SIGLECL1: variants seen among roughly 807,000 people sequenced by gnomAD.
SIGLECL1 encodes SIGLEC family like 1.
A neutral mutation model predicts 19.1 loss-of-function variants in SIGLECL1; 16 were observed. The observed-to-expected ratio is 0.84, with a 90% CI of 0.57 to 1.27. SIGLECL1 has a LOEUF of 1.27. Ranked by LOEUF, SIGLECL1 falls within the 50% of genes most tolerant of loss-of-function variation. The probability of loss-of-function intolerance (pLI) is 0.00; values close to 1 mark genes in which losing one functional copy is unlikely to be tolerated. For missense variants in SIGLECL1, 210 were observed against 239.4 expected (o/e 0.88, Z 0.81); for synonymous variants, 89 against 90.4 (o/e 0.98, Z 0.09).
rs529694609 is a variant in SIGLECL1, at chr19:51,268,859, A to G, written c.*262A>G. 2 of 433,640 alleles carry G rather than the reference A, an allele frequency of 4.6e-6. No homozygotes were observed. The highest frequency in any genetic ancestry group is 8.2e-5 in the South Asian group (2 of 24,370). The allele number at this position is 433,640 out of a possible 1,614,324, so 26.9% of individuals were successfully genotyped here. A position where few individuals can be genotyped will look rare whatever the true frequency, so the allele number is the denominator to read the frequency against. ...TTGTTGTTTGGCTAAATGAGAAGAAATCTGTGCCACCCTGGGAAGGTGTCA... is the reference window on the plus strand; with the variant it reads ...TTGTTGTTTGGCTAAATGAGAAGAAGTCTGTGCCACCCTGGGAAGGTGTCA... On this transcript the variant is annotated 3_prime_UTR_variant, in exon 6 of 6. Coordinates refer to ENST00000601727, the MANE Select transcript of SIGLECL1 (RefSeq NM_001385465.1).
intron 1 of SIGLECL1, among the ~76,000 whole-genome samples, chr19:51,259,069 A>G (rs889494661): frequency 9.2e-5 from 14 of 152,202 alleles, no homozygotes; most frequent in African/African-American, 3.1e-4. Flanking sequence ...AGTCATATGC[A>G]TATTAGTAGT....
upstream of SIGLECL1, chr19:51,251,014 C>G (rs79402995): frequency 9.5e-4 from 144 of 152,366 alleles, no homozygotes; most frequent in African/African-American, 3.3e-3. Context: ...GTAAAATAAG[C>G]ACATGCAGCC....
intron 1 of SIGLECL1, among the ~76,000 whole-genome samples, chr19:51,258,590 G>C (rs966444742): frequency 6.6e-6 from 1 of 152,194 alleles, no homozygotes; most frequent in African/African-American, 2.4e-5. Context: ...GGATCCTGAT[G>C]CTGGCCCAAT....
At chr19:51,251,857 G>A (rs936170674) in intron 1 of SIGLECL1, among the ~76,000 whole-genome samples, 1 of 152,120 alleles carries the variant, frequency 6.6e-6, no homozygotes, top group Non-Finnish European at 1.5e-5. Flanking sequence ...TTAGAAAGCC[G>A]AACACCTTTG....
chr19:51,258,185 A>G (rs970298888), intron 1 of SIGLECL1, among the ~76,000 whole-genome samples: 2 of 152,160 alleles, frequency 1.3e-5, no homozygotes, highest in African/African-American at 2.4e-5. Context: ...CTTGCAAATG[A>G]TTTGAGAAAT....
chr19:51,265,608 A>G lies in SIGLECL1; in HGVS notation c.263A>G (p.Asn88Ser). ...ATGAGACTTCTCTGTGAGGGGAAGA[A>G]CCAAAACGGAACCCATGCTTTGAGC... ...MGMRLLCEGK[N>S]QNGTHALSIL... The change falls in exon 3 of 6, where the codon AAC (asparagine) becomes AGC (serine). Residue 88 changes from asparagine to serine, a missense_variant. Asn to Ser is a conservative substitution (Grantham distance 46). Transcript: ENST00000601727. The G allele has an allele frequency of 6.2e-7, 1 of 1,614,150 alleles. No homozygotes were observed. The highest frequency in any genetic ancestry group is 1.1e-5 in the South Asian group (1 of 91,088).
At position 51,265,825 on chromosome 19, in the gene SIGLECL1, G is replaced by T. The variant is rs1599801254; in HGVS notation, c.353G>T (p.Gly118Val). 1 of 1,614,154 alleles carries T rather than the reference G, an allele frequency of 6.2e-7. No homozygotes were observed. Among genetic ancestry groups the T allele is most frequent in the Non-Finnish European group, 8.5e-7 (1 of 1,180,030 alleles). The change falls in exon 4 of 6, where the codon GGT becomes GTT. Residue 118 changes from glycine to valine, a missense_variant. Gly to Val is a moderately radical substitution (Grantham distance 109). Coordinates refer to ENST00000601727, the MANE Select transcript of SIGLECL1 (RefSeq NM_001385465.1). ...GCCTTCGTGAAAGGGCTGATCCAGG[G>T]TGCTATCTATGCGGGAATTGTAATT... Reference protein sequence around the residue: ...AQAFVKGLIQGAIYAGIVIAL... With the variant: ...AQAFVKGLIQVAIYAGIVIAL...
chr19:51,247,698 G>C (rs933034870), upstream of SIGLECL1, among the ~76,000 whole-genome samples: 3 of 152,160 alleles, frequency 2.0e-5, no homozygotes, highest in African/African-American at 7.2e-5. Flanking sequence ...GATTACAGGC[G>C]TGAGCCACCG....
chr19:51,267,593 A>G (rs1473799065), intron 5 of SIGLECL1, 64 bp downstream of exon 5: 3 of 1,569,406 alleles, frequency 1.9e-6, no homozygotes, highest in Non-Finnish European at 2.6e-6. Context: ...CCACAGGGAA[A>G]GGAGCACACA....
chr19:51,248,843 T>C (rs567552747), upstream of SIGLECL1, among the ~76,000 whole-genome samples: 1 of 152,334 alleles, frequency 6.6e-6, no homozygotes, highest in East Asian at 1.9e-4. Context: ...TAGAGGTTAG[T>C]AGGCAGTTTC....
At chr19:51,253,471 TA>T (rs759009976) in intron 1 of SIGLECL1, among the ~76,000 whole-genome samples, 6 of 152,228 alleles carry the variant, frequency 3.9e-5, no homozygotes, top group Non-Finnish European at 8.8e-5. Flanking sequence ...AAGTTAGTTT[TA>T]AAAAGTAAGC....
chr19:51,265,435 T>A lies in SIGLECL1; in HGVS notation c.90T>A (p.His30Gln). The A allele has an allele frequency of 6.2e-7, 1 of 1,614,086 alleles. No homozygotes were observed. The highest frequency in any genetic ancestry group is 1.3e-5 in the African/African-American group (1 of 75,034). ...EKTLQCSCSFHGIPTPSVQWW... is the reference protein window; with the variant it reads ...EKTLQCSCSFQGIPTPSVQWW... ...CACTGCAGTGCAGCTGTTCCTTCCATGGGATTCCCACACCCTCTGTGCAGT... is the reference window on the plus strand; with the variant it reads ...CACTGCAGTGCAGCTGTTCCTTCCAAGGGATTCCCACACCCTCTGTGCAGT... Residue 30 changes from histidine (H) to glutamine (Q), a missense_variant, in exon 3 of 6, where the codon CAT becomes CAA. Coordinates refer to ENST00000601727, the MANE Select transcript of SIGLECL1 (RefSeq NM_001385465.1).
At chr19:51,258,429 A>G (rs959513895) in intron 1 of SIGLECL1, among the ~76,000 whole-genome samples, 5 of 152,248 alleles carry the variant, frequency 3.3e-5, no homozygotes, top group Non-Finnish European at 5.9e-5. Context: ...TTCTGCAAAC[A>G]GTTACAGGAG....
chr19:51,246,983 T>C (rs11084062), upstream of SIGLECL1, among the ~76,000 whole-genome samples: 20,025 of 152,280 alleles, frequency 0.13, 2,001 homozygotes, highest in Admixed American at 0.32. Flanking sequence ...CTCTTACATG[T>C]AGACAAATAG....
In SIGLECL1 at chr19:51,264,098, A is replaced by G. The variant is rs1416835433; in HGVS notation, c.22+4A>G. On this transcript the variant is annotated splice_donor_region_variant and intron_variant, in intron 2 of 5. Transcript: ENST00000601727. ...ATGCTTCCACTGCTACAGCTGGGTA[A>G]GTAAGGTGAGAAGCAGCACTGGAGG... 6.2e-7 allele frequency: 1 copy of G among 1,613,880 alleles called. No homozygotes were observed. Among genetic ancestry groups the G allele is most frequent in the South Asian group, 1.1e-5 (1 of 91,046 alleles).
intron 2 of SIGLECL1, 142 bp from the exon 3 acceptor site, chr19:51,265,226 G>A (rs1010595738): frequency 1.9e-5 from 16 of 854,490 alleles, no homozygotes; most frequent in Non-Finnish European, 2.9e-5. Context: ...GAACTGGTCT[G>A]GGAGGCCTGA....
chr19:51,249,658 A>G (rs1026216144), upstream of SIGLECL1, among the ~76,000 whole-genome samples: 1 of 152,210 alleles, frequency 6.6e-6, no homozygotes, highest in Non-Finnish European at 1.5e-5. Context: ...CTAGTGGCAC[A>G]GTCAAACCAT....
At chr19:51,267,060 G>T (rs1391203914) in intron 4 of SIGLECL1, among the ~76,000 whole-genome samples, 1 of 152,086 alleles carries the variant, frequency 6.6e-6, no homozygotes, top group African/African-American at 2.4e-5. Flanking sequence ...GAGGAGTGAG[G>T]TGTCAGGGCA....
upstream of SIGLECL1, among the ~76,000 whole-genome samples, chr19:51,247,567 T>C (rs1982306871): frequency 6.6e-6 from 1 of 152,076 alleles, no homozygotes; most frequent in Non-Finnish European, 1.5e-5. Flanking sequence ...TACAGGTGCC[T>C]GCCACCACGT....
Sources: allele counts gnomAD v4.1 joint callset (sites outside exome capture counted in the v4.1 genomes callset), GRCh38; gene constraint gnomAD v4.1.1; transcripts MANE v1.5; gene names NCBI Gene and HGNC (gene_info 2026-07-23, HGNC 2026-07-21).